The following PCDHGA4 variants were observed in gnomAD, a reference collection of about 807,000 sequenced individuals.
PCDHGA4 encodes the protein protocadherin gamma subfamily A, 4, also known as protocadherin gamma-A4.
A neutral mutation model predicts 54.6 loss-of-function variants in PCDHGA4; 38 were observed. That is an observed-to-expected ratio of 0.70 (90% CI 0.54 to 0.91). PCDHGA4 has a LOEUF of 0.91. PCDHGA4 is among the 40% of genes least tolerant of loss of function. The probability of loss-of-function intolerance (pLI) is 0.00; values close to 1 mark genes in which losing one functional copy is unlikely to be tolerated. For missense variants in PCDHGA4, 1,298 were observed against 1,220.9 expected (o/e 1.06, Z -0.94); for synonymous variants, 511 against 512.9 (o/e 1.00, Z 0.05).
intron 2 of PCDHGA4, 142 bp downstream of exon 2, chr5:141,495,007 G>C (rs2099758216): frequency 2.0e-6 from 3 of 1,522,276 alleles, no homozygotes; most frequent in Non-Finnish European, 8.8e-7. Flanking sequence ...TTGGTGTGCG[G>C]GGGGCTGGCA....
intron 1 of PCDHGA4, among the ~76,000 whole-genome samples, chr5:141,457,224 A>G (rs1176186371): frequency 6.6e-6 from 1 of 152,158 alleles, no homozygotes; most frequent in African/African-American, 2.4e-5. Flanking sequence ...GTGGTAGGTA[A>G]TTTCCATCTA....
At chr5:141,366,360 G>C in intron 1 of PCDHGA4, 4 of 1,614,024 alleles carry the variant, frequency 2.5e-6, no homozygotes, top group Non-Finnish European at 3.4e-6. Flanking sequence ...GACCTAGGCA[G>C]TATCAAGACC....
intron 1 of PCDHGA4, chr5:141,428,371 C>A: frequency 5.6e-6 from 3 of 536,772 alleles, no homozygotes; most frequent in Non-Finnish European, 1.0e-5. Flanking sequence ...CGCCTTGCAC[C>A]TGCGATGCTC....
intron 1 of PCDHGA4, among the ~76,000 whole-genome samples, chr5:141,425,603 A>G (rs2096884807): frequency 6.6e-6 from 1 of 152,218 alleles, no homozygotes; most frequent in Non-Finnish European, 1.5e-5. Context: ...TATGCCCTAT[A>G]TAGCTTTCAG....
rs1376914747 is a variant in PCDHGA4, at chr5:141,432,008, A to T, written c.2515-62799A>T. On this transcript the variant is annotated intron_variant, in intron 1 of 3. Coordinates refer to ENST00000571252, the MANE Select transcript of PCDHGA4 (RefSeq NM_018917.4). This position sits in a 1 kb window ranked among gnomAD's most constrained non-coding sequence, Gnocchi z 6.0. ...AGTCTTGGATAGGGAACAGGTTCCT[A>T]GCTACAACATCACAGTGACCGCCAC... 1 of 1,614,200 alleles carries T rather than the reference A, an allele frequency of 6.2e-7. No homozygotes were observed. The highest frequency in any genetic ancestry group is 2.2e-5 in the East Asian group (1 of 44,888).
intron 1 of PCDHGA4, among the ~76,000 whole-genome samples, chr5:141,446,323 A>G (rs1372501599): frequency 6.6e-6 from 1 of 152,216 alleles, no homozygotes. Flanking sequence ...GGGTTTCCAC[A>G]TTAAGGAACT....
chr5:141,366,623 AAG>A (rs1440567853), intron 1 of PCDHGA4: 2 of 1,614,242 alleles, frequency 1.2e-6, no homozygotes, highest in East Asian at 2.2e-5. Flanking sequence ...GGACTCGAGG[AAG>A]AGTCACCTGA....
At chr5:141,381,561 A>G (rs1251342749) in intron 1 of PCDHGA4, among the ~76,000 whole-genome samples, 3 of 152,196 alleles carry the variant, frequency 2.0e-5, no homozygotes, top group Non-Finnish European at 4.4e-5. Flanking sequence ...TGAATTGCAT[A>G]ATGAAAAGAA....
rs2149788851 is a variant in PCDHGA4, at chr5:141,355,966, C to T, written c.859C>T (p.Pro287Ser). ...EYHVSVRENV[P>S]VGTRLLTVKA... ...CCACGTAAGTGTTCGTGAGAACGTT[C>T]CTGTAGGCACTCGGCTACTCACCGT... The change falls in exon 1 of 4, where the codon CCT (proline) becomes TCT (serine). Residue 287 changes from proline (P) to serine (S), a missense_variant. Transcript: ENST00000571252. 1.9e-6 allele frequency: 3 copies of T among 1,613,816 alleles called. No homozygotes were observed. The highest frequency in any genetic ancestry group is 1.7e-6 in the Non-Finnish European group (2 of 1,179,856).
In PCDHGA4 at chr5:141,422,662, G is replaced by A. The variant is rs771844166; in HGVS notation, c.2514+65041G>A. On this transcript the variant is annotated intron_variant, in intron 1 of 3. Transcript: ENST00000571252. Reference sequence around the variant, plus strand: ...CTCCATCTTCTCAGTGACCGCCCTCGACCCGGACAGCAAACAGAATGCCCT... The same window carrying A: ...CTCCATCTTCTCAGTGACCGCCCTCAACCCGGACAGCAAACAGAATGCCCT... 4 of 1,608,410 alleles carry A rather than the reference G, an allele frequency of 2.5e-6. No individual in the cohort carries two copies. In the South Asian group the frequency reaches 3.3e-5, roughly 13 times the overall value.
chr5:141,481,780 C>T (rs781334437), intron 1 of PCDHGA4, among the ~76,000 whole-genome samples: 3 of 152,016 alleles, frequency 2.0e-5, no homozygotes, highest in African/African-American at 7.2e-5. Flanking sequence ...GGTGAAACCC[C>T]GTCTCTACTA....
At chr5:141,418,742 G>T (rs1351760637) in intron 1 of PCDHGA4, 6 of 1,613,778 alleles carry the variant, frequency 3.7e-6, no homozygotes, top group South Asian at 1.1e-5. Context: ...GTTCTCTCTG[G>T]ATTACACTAC....
Position 141,485,618 on chromosome 5 carries a change from G to A in PCDHGA4, c.2515-9189G>A, listed in dbSNP as rs2099616729. 2.5e-6 allele frequency: 4 copies of A among 1,612,092 alleles called. No individual in the cohort carries two copies. Among genetic ancestry groups the A allele is most frequent in the Non-Finnish European group, 3.4e-6 (4 of 1,178,672 alleles). On this transcript the variant is annotated intron_variant, in intron 1 of 3. Coordinates refer to ENST00000571252, the MANE Select transcript of PCDHGA4 (RefSeq NM_018917.4). This position sits in a 1 kb window ranked among gnomAD's most constrained non-coding sequence, Gnocchi z 5.7. The stretch of plus-strand genomic sequence containing the variant: ...GGAAATTGGGGAGGCAGCTCCTCCA[G>A]GACAGCGTTTCCCGTTGGAAAAGGC...
intron 1 of PCDHGA4, chr5:141,378,088 T>C (rs1218204650): frequency 6.6e-6 from 1 of 152,252 alleles, no homozygotes; most frequent in Non-Finnish European, 1.5e-5. Flanking sequence ...TTATAACTTT[T>C]TTTCAAACTC....
intron 1 of PCDHGA4, chr5:141,427,783 C>T (rs765131117): frequency 1.4e-6 from 2 of 1,460,966 alleles, no homozygotes; most frequent in Non-Finnish European, 1.9e-6. Flanking sequence ...CGGGCACTGT[C>T]GTCCTACGTG....
intron 1 of PCDHGA4, chr5:141,423,517 T>G (rs750915364): frequency 1.9e-6 from 3 of 1,613,716 alleles, no homozygotes; most frequent in Non-Finnish European, 2.5e-6. Flanking sequence ...CATTGCGGAC[T>G]CGCAGAAGAG....
chr5:141,385,276 A>T (rs1315773619), intron 1 of PCDHGA4: 3 of 1,613,446 alleles, frequency 1.9e-6, no homozygotes, highest in Non-Finnish European at 2.5e-6. Context: ...TTCTTTGCTA[A>T]CATCCGTAGA....
chr5:141,495,077 C>T (rs1237589417), intron 2 of PCDHGA4, among the ~76,000 whole-genome samples: 4 of 152,180 alleles, frequency 2.6e-5, no homozygotes, highest in African/African-American at 9.7e-5. Flanking sequence ...AATTCACATG[C>T]TTGCCCCTTC....
At chr5:141,451,945 C>T (rs906800803) in intron 1 of PCDHGA4, among the ~76,000 whole-genome samples, 1 of 151,970 alleles carries the variant, frequency 6.6e-6, no homozygotes, top group Non-Finnish European at 1.5e-5. Flanking sequence ...AGGGAAAGAC[C>T]GAGAAAGTGA....
Sources: gnomAD v4.1 joint callset for allele counts (sites outside exome capture counted in the v4.1 genomes callset) on GRCh38, gnomAD v4.1.1 for gene constraint, Gnocchi (gnomAD v3.1) non-coding constraint, MANE v1.5 for transcripts, NCBI Gene and HGNC (gene_info 2026-07-23, HGNC 2026-07-21) for gene names.